EIF4E3: variants seen among roughly 807,000 people sequenced by gnomAD.
EIF4E3 encodes eukaryotic translation initiation factor 4E family member 3.
In EIF4E3, 26 loss-of-function variants were observed where a neutral mutation model predicts 31.7. That is an observed-to-expected ratio of 0.82 (90% CI 0.60 to 1.14). The LOEUF is 1.14. Ranked by LOEUF, EIF4E3 falls within the 50% of genes most tolerant of loss-of-function variation. The probability of loss-of-function intolerance (pLI) is 0.00; values close to 1 mark genes in which losing one functional copy is unlikely to be tolerated. For synonymous variants in EIF4E3, 128 were observed against 107.7 expected, an observed-to-expected ratio of 1.19 and a Z score of -1.17; for missense variants, 304 against 270.9, an observed-to-expected ratio of 1.12 and a Z score of -0.86.
chr3:71,693,249 C>T (rs1264420031), intron 5 of EIF4E3, among the ~76,000 whole-genome samples: 1 of 152,128 alleles, frequency 6.6e-6, no homozygotes, highest in Non-Finnish European at 1.5e-5. Flanking sequence ...TTTTGTTTTG[C>T]TCTCAGAAAT....
chr3:71,698,364 A>G (rs1350703240), intron 3 of EIF4E3, among the ~76,000 whole-genome samples: 1 of 152,168 alleles, frequency 6.6e-6, no homozygotes, highest in East Asian at 1.9e-4. Flanking sequence ...CTTCAATGTC[A>G]TGGTCATGAC....
intron 1 of EIF4E3, among the ~76,000 whole-genome samples, chr3:71,750,904 C>T (rs987559369): frequency 7.9e-5 from 12 of 151,786 alleles, no homozygotes; most frequent in African/African-American, 2.9e-4. Context: ...GCTGGGACTA[C>T]AGGCGCCTGC....
At chr3:71,754,514 CT>C, upstream of EIF4E3, 1 of 1,300,166 alleles carries the variant, frequency 7.7e-7, no homozygotes. The surrounding 1 kb of genome is among the most constrained non-coding windows in gnomAD (Gnocchi z 5.8). Context: ...TGGCCGCGGC[CT>C]TCCCGCCAGT....
the EIF4E3 span, among the ~76,000 whole-genome samples, chr3:71,669,701 A>G: frequency 1.3e-5 from 2 of 152,130 alleles, no homozygotes; most frequent in Non-Finnish European, 2.9e-5. Context: ...GAAGGCCTAA[A>G]CATGACTTCA....
intron 6 of EIF4E3, among the ~76,000 whole-genome samples, chr3:71,686,438 T>A (rs1487245235): frequency 6.6e-6 from 1 of 151,994 alleles, no homozygotes; most frequent in Non-Finnish European, 1.5e-5. Context: ...ACTTTATACC[T>A]CCCAGGTCAC....
At chr3:71,743,875 A>AAT (rs2049845099) in intron 1 of EIF4E3, among the ~76,000 whole-genome samples, 1 of 152,156 alleles carries the variant, frequency 6.6e-6, no homozygotes, top group African/African-American at 2.4e-5. Context: ...GGAACAGTTG[A>AAT]ATATCCATAC....
At chr3:71,701,211 T>C (rs2049212026) in intron 2 of EIF4E3, among the ~76,000 whole-genome samples, 1 of 152,152 alleles carries the variant, frequency 6.6e-6, no homozygotes, top group Non-Finnish European at 1.5e-5. Flanking sequence ...ACAAAAATAA[T>C]AAAGTAATAG....
rs80171205 is a variant in EIF4E3, at chr3:71,734,784, T to G, written c.-290-6161A>C. Reference sequence around the variant, plus strand: ...TCTTAATAAGTTGTTGCATCATCTCTGTTGATTCAATTTAACTGGAAGATA... The same window carrying G: ...TCTTAATAAGTTGTTGCATCATCTCGGTTGATTCAATTTAACTGGAAGATA... On this transcript the variant is annotated intron_variant, in intron 1 of 7. Coordinates refer to the EIF4E3 transcript ENST00000295612. Among the ~76,000 whole-genome samples, 4 of 152,350 alleles carry G rather than the reference T, an allele frequency of 2.6e-5. No individual in the cohort carries two copies. In the East Asian group the frequency reaches 5.8e-4, roughly 22 times the overall value.
intron 3 of EIF4E3, among the ~76,000 whole-genome samples, chr3:71,697,936 G>C (rs1307396917): frequency 6.6e-6 from 1 of 152,120 alleles, no homozygotes; most frequent in East Asian, 1.9e-4. Flanking sequence ...ATCTGGCAGT[G>C]GGACTGCTGA....
rs141763334 is a variant in EIF4E3 at position 71,682,923 on chromosome 3, A to C, written c.*1759T>G. 55 of 152,506 alleles carry C rather than the reference A, an allele frequency of 3.6e-4. No homozygotes were observed. The highest frequency in any genetic ancestry group is 1.3e-3 in the African/African-American group (52 of 41,568). The allele number at this position is 152,506 out of a possible 1,614,324, so 9.4% of individuals were successfully genotyped here. ...CAATCAGAAAAATACTTATATTATA[A>C]AAAAGTTTTAATTCATGTCCAGAAT... On this transcript the variant is annotated 3_prime_UTR_variant, in exon 7 of 7. Transcript: ENST00000425534.
intron 6 of EIF4E3, among the ~76,000 whole-genome samples, chr3:71,689,719 T>C (rs956997355): frequency 1.2e-4 from 19 of 152,194 alleles, no homozygotes; most frequent in African/African-American, 4.6e-4. Flanking sequence ...ATTTTTTTTC[T>C]GAGAATTACA....
Position 71,676,739 on chromosome 3 carries a change from TG to T in EIF4E3, c.*7942del, listed in dbSNP as rs2048877489. On this transcript the variant is annotated 3_prime_UTR_variant, in exon 7 of 7. Transcript: ENST00000425534. Reference sequence around the variant, plus strand: ...GTTAAAATGTGGATTCCAAGATGTTTGTTTTCAAAAAAAAAAAAAAATTCTG... The same window carrying T: ...GTTAAAATGTGGATTCCAAGATGTTTTTTTCAAAAAAAAAAAAAAATTCTG... 2.0e-5 allele frequency: 3 copies of T among 151,998 alleles called. No homozygotes were observed. The highest frequency in any genetic ancestry group is 4.8e-5 in the African/African-American group (2 of 41,468). 9.4% of individuals were successfully genotyped at this position (151,998 alleles called of 1,614,324 possible). A position where few individuals can be genotyped will look rare whatever the true frequency, so the allele number is the denominator to read the frequency against.
chr3:71,744,786 A>T (rs539581755), intron 1 of EIF4E3, among the ~76,000 whole-genome samples: 26 of 152,338 alleles, frequency 1.7e-4, no homozygotes, highest in African/African-American at 6.3e-4. Flanking sequence ...CTTTCTCAGG[A>T]AGCTACTGAT....
At position 71,710,499 on chromosome 3, in the gene EIF4E3, G is replaced by A; in HGVS notation, c.177-15C>T. ...CAGGGAGGGATCTAGGCAAGCAGGA[G>A]CAGGACAAAGACACAAACAAAACAA... On this transcript the variant is annotated splice_polypyrimidine_tract_variant and intron_variant, in intron 1 of 6. Transcript: ENST00000425534. 1.3e-6 allele frequency: 2 copies of A among 1,551,888 alleles called. No homozygotes were observed. The highest frequency in any genetic ancestry group is 1.7e-6 in the Non-Finnish European group (2 of 1,147,040).
chr3:71,699,711 T>C lies in EIF4E3; in HGVS notation c.250-3A>G, dbSNP rs1401937576. 1.2e-6 allele frequency: 2 copies of C among 1,609,562 alleles called. No individual in the cohort carries two copies. Among genetic ancestry groups the C allele is most frequent in the Admixed American group, 3.3e-5 (2 of 59,950 alleles). On this transcript the variant is annotated splice_region_variant and splice_polypyrimidine_tract_variant and intron_variant, in intron 2 of 6. Coordinates refer to ENST00000425534, the MANE Select transcript of EIF4E3 (RefSeq NM_001134651.2). Reference sequence around the variant, plus strand: ...TTATTGTATACACTCCAAAATATCTTTAAAAGAAAAACAAACACTTTGTTT... The same window carrying C: ...TTATTGTATACACTCCAAAATATCTCTAAAAGAAAAACAAACACTTTGTTT...
chr3:71,689,872 A>T (rs2049039530), intron 6 of EIF4E3, 138 bp downstream of exon 6: 1 of 823,674 alleles, frequency 1.2e-6, no homozygotes, highest in Non-Finnish European at 1.7e-6. Context: ...AAAAAAACTT[A>T]AATGTATTTT....
At chr3:71,750,178 T>A (rs1368484127) in intron 1 of EIF4E3, among the ~76,000 whole-genome samples, 2 of 152,178 alleles carry the variant, frequency 1.3e-5, no homozygotes, top group African/African-American at 4.8e-5. Context: ...CTCTCCCCAT[T>A]TGGGAGACAT....
At chr3:71,717,565 T>C (rs538650407) in intron 1 of EIF4E3, among the ~76,000 whole-genome samples, 4 of 152,292 alleles carry the variant, frequency 2.6e-5, no homozygotes, top group South Asian at 2.1e-4. Flanking sequence ...TCCTTATTTG[T>C]AAAATTAAGA....
intron 5 of EIF4E3, among the ~76,000 whole-genome samples, chr3:71,693,237 CT>C (rs1278983417): frequency 2.0e-5 from 3 of 152,106 alleles, no homozygotes; most frequent in African/African-American, 7.2e-5. Flanking sequence ...AAAACAAAAG[CT>C]TTTTGTTTTG....
Sources: gnomAD v4.1 joint callset for allele counts (sites outside exome capture counted in the v4.1 genomes callset) on GRCh38, gnomAD v4.1.1 for gene constraint, Gnocchi (gnomAD v3.1) non-coding constraint, MANE v1.5 for transcripts, NCBI Gene and HGNC (gene_info 2026-07-23, HGNC 2026-07-21) for gene names.